Variants in CYREN observed in about 807,000 individuals in gnomAD.
CYREN encodes the protein cell cycle regulator of NHEJ, also known as cell cycle regulator of non-homologous end joining.
In CYREN, 7 loss-of-function variants were observed where a neutral mutation model predicts 9.7. The observed-to-expected ratio is 0.72, with a 90% CI of 0.41 to 1.36. The LOEUF is 1.36. Ranked by LOEUF, CYREN falls within the 40% of genes most tolerant of loss-of-function variation. The pLI, the probability that CYREN is intolerant of heterozygous loss-of-function variation, is 0.01. For missense variants in CYREN, 215 were observed against 198.1 expected, an observed-to-expected ratio of 1.09 and a Z score of -0.51; for synonymous variants, 76 against 77.9, an observed-to-expected ratio of 0.98 and a Z score of 0.13.
intron 2 of CYREN, among the ~76,000 whole-genome samples, chr7:135,146,418 C>T (rs1238185330): frequency 6.6e-6 from 1 of 152,080 alleles, no homozygotes; most frequent in Non-Finnish European, 1.5e-5. Flanking sequence ...AAATGTGACA[C>T]AGAGACATGA....
intron 2 of CYREN, among the ~76,000 whole-genome samples, chr7:135,113,586 T>G (rs762281529): frequency 1.3e-5 from 2 of 152,204 alleles, no homozygotes; most frequent in Non-Finnish European, 1.5e-5. Context: ...GGACATTTTT[T>G]TAAATGTCTG....
chr7:135,161,786 A>T (rs1829946073), downstream of CYREN, among the ~76,000 whole-genome samples: 1 of 152,194 alleles, frequency 6.6e-6, no homozygotes, highest in Admixed American at 6.5e-5. This position sits in a 1 kb window ranked among gnomAD's most constrained non-coding sequence, Gnocchi z 4.1. Context: ...AGCCTTTGAC[A>T]GTGCCACCCA....
intron 2 of CYREN, among the ~76,000 whole-genome samples, chr7:135,099,358 T>C (rs185844889): frequency 6.6e-6 from 1 of 152,298 alleles, no homozygotes; most frequent in Admixed American, 6.5e-5. Context: ...GAAATATGTA[T>C]GCATATATTT....
intron 2 of CYREN, among the ~76,000 whole-genome samples, chr7:135,155,074 A>C (rs1829757196): frequency 6.6e-6 from 1 of 152,256 alleles, no homozygotes; most frequent in African/African-American, 2.4e-5. Context: ...TTATCCCTAC[A>C]TCATTATACA....
rs188293248 is a variant in CYREN at position 135,109,613 on chromosome 7, C to A, written n.357-15031G>T. Among the ~76,000 whole-genome samples, 134 of 152,338 alleles carry A rather than the reference C, an allele frequency of 8.8e-4. 2 individuals are homozygous for A. Among genetic ancestry groups the A allele is most frequent in the Admixed American group, 3.1e-3 (47 of 15,300 alleles). ...AGCAAAGATGGTGGCCCACCCCTCC[C>A]TCTGGGAGCTCTGTCCCAGGGAAGT... On this transcript the variant is annotated intron_variant and non_coding_transcript_variant, in intron 2 of 2. Coordinates refer to the CYREN transcript ENST00000459937.
chr7:135,095,112 C>G (rs144276797), intron 2 of CYREN, among the ~76,000 whole-genome samples: 1 of 152,164 alleles, frequency 6.6e-6, no homozygotes, highest in African/African-American at 2.4e-5. Context: ...TTTACCAGAA[C>G]CTTATCCTAT....
chr7:135,141,610 C>T (rs564438827), intron 2 of CYREN, among the ~76,000 whole-genome samples: 1 of 152,116 alleles, frequency 6.6e-6, no homozygotes, highest in South Asian at 2.1e-4. Context: ...GGTCGGTTCA[C>T]TCCTGTTTTT....
chr7:135,148,044 A>T (rs950970824), intron 2 of CYREN: 5 of 456,040 alleles, frequency 1.1e-5, no homozygotes, highest in Admixed American at 2.4e-5. Flanking sequence ...TGATAGTGAC[A>T]TCAGTCAGAA....
chr7:135,166,305 G>T lies in CYREN; in HGVS notation c.*306C>A. 3.5e-6 allele frequency: 1 copy of T among 283,032 alleles called. No homozygotes were observed. The highest frequency in any genetic ancestry group is 1.2e-4 in the South Asian group (1 of 8,474). The allele number at this position is 283,032 out of a possible 1,614,324, so 17.5% of individuals were successfully genotyped here. ...ATGACATCATTTTCCCTGGAACCTG[G>T]TCACTGACTAACACAGACAATTGGG... On this transcript the variant is annotated 3_prime_UTR_variant, in exon 4 of 4. Transcript: ENST00000393114.
chr7:135,164,383 G>T, downstream of CYREN: 1 of 1,500,506 alleles, frequency 6.7e-7, no homozygotes. Context: ...AACAAGCAAG[G>T]GAGAGATGGA....
intron 2 of CYREN, among the ~76,000 whole-genome samples, chr7:135,097,067 T>C (rs1232967327): frequency 6.6e-6 from 1 of 152,238 alleles, no homozygotes; most frequent in East Asian, 1.9e-4. Context: ...CTGGTGAATT[T>C]GCTTGGGCAT....
At chr7:135,165,088 C>T, downstream of CYREN, 1 of 1,433,864 alleles carries the variant, frequency 7.0e-7, no homozygotes, top group South Asian at 1.4e-5. Flanking sequence ...TAACGCTGAT[C>T]TCCAGCTCCA....
At position 135,166,689 on chromosome 7, in the gene CYREN, G is replaced by T; in HGVS notation, c.396C>A (p.Ser132Arg). ...LSPSQRPGGS[S>R]SACSRSPEEE... ...CCTCAGGGCTCCTGCTACAGGCAGA[G>T]CTGGAACCCCCCGGCCTCTGGGAAG... Residue 132 changes from serine to arginine, a missense_variant, in exon 4 of 4, where the codon AGC becomes AGA. By Grantham distance (110) the Ser-to-Arg change is moderately radical. Transcript: ENST00000393114. 6.2e-7 allele frequency: 1 copy of T among 1,612,340 alleles called. No individual in the cohort carries two copies. The highest frequency in any genetic ancestry group is 8.5e-7 in the Non-Finnish European group (1 of 1,180,032).
At chr7:135,114,904 A>T (rs181264041) in intron 2 of CYREN, among the ~76,000 whole-genome samples, 1 of 152,268 alleles carries the variant, frequency 6.6e-6, no homozygotes, top group East Asian at 1.9e-4. Flanking sequence ...TTGAGGCCCA[A>T]CATGAGCTGA....
chr7:135,152,392 C>T (rs923904475), intron 2 of CYREN, among the ~76,000 whole-genome samples: 21 of 152,238 alleles, frequency 1.4e-4, no homozygotes, highest in African/African-American at 5.1e-4. Context: ...AGAGGTAGAT[C>T]CTCATGGTGA....
intron 2 of CYREN, among the ~76,000 whole-genome samples, chr7:135,137,989 A>G (rs1457775279): frequency 6.6e-6 from 1 of 151,402 alleles, no homozygotes; most frequent in African/African-American, 2.4e-5. Context: ...GTCTTCTAAT[A>G]CGATCACACT....
upstream of CYREN, chr7:135,170,833 C>T (rs527731953): frequency 4.6e-5 from 7 of 152,300 alleles, 1 homozygote; most frequent in South Asian, 1.0e-3. Context: ...TTCCGGCTCC[C>T]GGCAGCTGCC....
At chr7:135,164,805 G>A (rs758818338), downstream of CYREN, 2 of 1,614,132 alleles carry the variant, frequency 1.2e-6, no homozygotes, top group South Asian at 1.1e-5. Flanking sequence ...CTTCCTGGCT[G>A]TGTCCTCTGT....
intron 2 of CYREN, among the ~76,000 whole-genome samples, chr7:135,113,992 T>C (rs1344150068): frequency 6.6e-6 from 1 of 152,230 alleles, no homozygotes; most frequent in Non-Finnish European, 1.5e-5. Flanking sequence ...TTTTGTATAA[T>C]GGTCTCAAGG....
Sources: allele counts gnomAD v4.1 joint callset (sites outside exome capture counted in the v4.1 genomes callset), GRCh38; gene constraint gnomAD v4.1.1; non-coding constraint Gnocchi (gnomAD v3.1); transcripts MANE v1.5; gene names NCBI Gene and HGNC (gene_info 2026-07-23, HGNC 2026-07-21).